The following GPHN variants were observed in gnomAD, a reference collection of about 807,000 sequenced individuals.
The protein encoded by GPHN is gephyrin.
In GPHN, 17 loss-of-function variants were observed where a neutral mutation model predicts 95.5. That is an observed-to-expected ratio of 0.18 (90% CI 0.12 to 0.27). The LOEUF is 0.27. Among genes scored for constraint, GPHN ranks in the 10% least tolerant of loss-of-function variants. The probability of loss-of-function intolerance (pLI) is 1.00; values close to 1 mark genes in which losing one functional copy is unlikely to be tolerated. For missense variants in GPHN, 660 were observed against 978.1 expected (o/e 0.67, Z 4.34); for synonymous variants, 320 against 322.5 (o/e 0.99, Z 0.08).
intron 12 of GPHN, among the ~76,000 whole-genome samples, chr14:67,093,750 A>G (rs2077232213): frequency 6.6e-6 from 1 of 152,140 alleles, no homozygotes; most frequent in Non-Finnish European, 1.5e-5. Context: ...AAAGGTAGCC[A>G]GTTTAAAATT....
At chr14:67,012,399 T>C (rs1043356421) in intron 9 of GPHN, among the ~76,000 whole-genome samples, 1 of 152,210 alleles carries the variant, frequency 6.6e-6, no homozygotes, top group Non-Finnish European at 1.5e-5. Context: ...AGCAGATTTT[T>C]TCCCAAAAGG....
the GPHN span, among the ~76,000 whole-genome samples, chr14:67,207,325 G>T: frequency 3.9e-4 from 60 of 152,114 alleles, no homozygotes; most frequent in African/African-American, 1.4e-3. Context: ...ACATCACATG[G>T]CCAGAGAGAG....
chr14:67,131,870 G>A (rs557629765), intron 17 of GPHN, among the ~76,000 whole-genome samples: 1 of 151,930 alleles, frequency 6.6e-6, no homozygotes, highest in Non-Finnish European at 1.5e-5. Context: ...ATTGAATAAG[G>A]ATTCAACTTT....
the GPHN span, among the ~76,000 whole-genome samples, chr14:67,636,320 G>A: frequency 1.3e-5 from 2 of 152,004 alleles, no homozygotes; most frequent in African/African-American, 4.8e-5. Context: ...AATCATATAT[G>A]AGCTCTAACC....
intron 1 of GPHN, among the ~76,000 whole-genome samples, chr14:66,636,876 A>T (rs2153348337): frequency 6.6e-6 from 1 of 152,326 alleles, no homozygotes; most frequent in Non-Finnish European, 1.5e-5. Flanking sequence ...AATAATCTGG[A>T]TAATCTATTA....
At chr14:66,851,658 G>C (rs1261142055) in intron 4 of GPHN, among the ~76,000 whole-genome samples, 5 of 151,924 alleles carry the variant, frequency 3.3e-5, no homozygotes, top group African/African-American at 1.2e-4. Context: ...GGAGTGGCAA[G>C]AGAGAGCTGG....
intron 1 of GPHN, among the ~76,000 whole-genome samples, chr14:66,579,795 C>T (rs2061079340): frequency 6.6e-6 from 1 of 151,720 alleles, no homozygotes. Context: ...ATAAACACAT[C>T]ATCGACTTAG....
intron 17 of GPHN, among the ~76,000 whole-genome samples, chr14:67,127,962 G>T (rs746559175): frequency 3.3e-5 from 5 of 152,068 alleles, no homozygotes; most frequent in Non-Finnish European, 7.4e-5. Flanking sequence ...AAGCTGTTAG[G>T]CCTCTTTACC....
intron 1 of GPHN, among the ~76,000 whole-genome samples, chr14:66,665,280 G>T (rs945998671): frequency 6.6e-6 from 1 of 152,042 alleles, no homozygotes; most frequent in African/African-American, 2.4e-5. Context: ...AAGATAAATC[G>T]AGCTTTATCT....
the GPHN span, among the ~76,000 whole-genome samples, chr14:67,607,572 G>A: frequency 3.2e-4 from 48 of 151,996 alleles, no homozygotes; most frequent in Middle Eastern, 6.8e-3. Flanking sequence ...TCACCATGTT[G>A]GCCAGGATGG....
the GPHN span, among the ~76,000 whole-genome samples, chr14:67,517,747 T>C: frequency 1.3e-5 from 2 of 152,166 alleles, no homozygotes; most frequent in African/African-American, 4.8e-5. Flanking sequence ...TTTCTCTCTC[T>C]GGGTAGGACA....
chr14:67,701,547 C>T, the GPHN span, among the ~76,000 whole-genome samples: 34 of 151,644 alleles, frequency 2.2e-4, no homozygotes, highest in African/African-American at 7.8e-4. Context: ...CCTCAGCCTC[C>T]CGAGTAGCTG....
the GPHN span, among the ~76,000 whole-genome samples, chr14:67,490,546 A>G: frequency 2.0e-5 from 3 of 152,234 alleles, no homozygotes; most frequent in Non-Finnish European, 4.4e-5. Context: ...GTTTTCATGC[A>G]CATAGGATTC....
At chr14:66,920,061 G>A (rs1398242367) in intron 6 of GPHN, among the ~76,000 whole-genome samples, 6 of 152,124 alleles carry the variant, frequency 3.9e-5, no homozygotes, top group East Asian at 1.9e-4. Flanking sequence ...ATGAGACTCC[G>A]TCTCAAAACA....
intron 4 of GPHN, among the ~76,000 whole-genome samples, chr14:66,861,452 C>A (rs181995766): frequency 2.0e-5 from 3 of 152,084 alleles, no homozygotes; most frequent in Non-Finnish European, 4.4e-5. Context: ...GACAGAAAAT[C>A]AACAAGGAAA....
chr14:66,760,693 A>G, intron 2 of GPHN: 1 of 445,620 alleles, frequency 2.2e-6, no homozygotes, highest in Non-Finnish European at 4.2e-6. Flanking sequence ...GAACCAAAGC[A>G]TTCCATAAAG....
intron 11 of GPHN, among the ~76,000 whole-genome samples, chr14:67,069,882 A>G (rs1382787464): frequency 2.0e-5 from 3 of 152,194 alleles, no homozygotes; most frequent in Non-Finnish European, 4.4e-5. Flanking sequence ...GCTGTACAAA[A>G]TTGAAGCAAA....
intron 8 of GPHN, among the ~76,000 whole-genome samples, chr14:66,958,800 G>T (rs925819621): frequency 2.6e-5 from 4 of 152,116 alleles, no homozygotes; most frequent in African/African-American, 9.7e-5. Context: ...CATTCTGCCA[G>T]TTTCCATCTT....
At chr14:67,355,845 T>C in the GPHN span, among the ~76,000 whole-genome samples, 78,938 of 150,882 alleles carry the variant, frequency 0.52, 23,736 homozygotes, top group African/African-American at 0.83. Context: ...AAAAAAAATA[T>C]CAAAATTACC....
Sources: allele counts gnomAD v4.1 joint callset (sites outside exome capture counted in the v4.1 genomes callset), GRCh38; gene constraint gnomAD v4.1.1; transcripts MANE v1.5; gene names NCBI Gene and HGNC (gene_info 2026-07-23, HGNC 2026-07-21).